The following PTPRF variants were observed in gnomAD, a reference collection of about 807,000 sequenced individuals.
PTPRF encodes the protein protein tyrosine phosphatase receptor type F, also known as receptor-type tyrosine-protein phosphatase F.
A neutral mutation model predicts 201.8 loss-of-function variants in PTPRF; 59 were observed. The ratio of observed to expected loss-of-function variants is 0.29; its 90% CI spans 0.24 to 0.36. The LOEUF (loss-of-function observed/expected upper bound fraction) is 0.36, where lower values mean the gene tolerates loss of function less well. Among genes scored for constraint, PTPRF ranks in the 10% least tolerant of loss-of-function variants. The pLI is 1.00. For synonymous variants in PTPRF, 1,088 were observed against 1,089.7 expected (o/e 1.00, Z 0.03); for missense variants, 2,132 against 2,690.5 (o/e 0.79, Z 4.59).
intron 5 of PTPRF, among the ~76,000 whole-genome samples, 194 bp from the exon 6 acceptor site, chr1:43,569,396 C>G (rs991525120): frequency 1.3e-5 from 2 of 152,090 alleles, no homozygotes; most frequent in African/African-American, 2.4e-5. Flanking sequence ...GGCCCCACTG[C>G]AGCCTCTGCC....
intron 1 of PTPRF, 75 bp from the exon 2 acceptor site, chr1:43,538,123 A>G (rs1336026298): frequency 1.8e-5 from 7 of 398,202 alleles, no homozygotes; most frequent in African/African-American, 1.0e-4. Flanking sequence ...CAAATTTTTA[A>G]TGTCTTTCTG....
At position 43,591,095 on chromosome 1, in the gene PTPRF, G is replaced by T. The variant is rs1650572015; in HGVS notation, c.1073G>T (p.Gly358Val). The T allele has an allele frequency of 1.2e-6, 2 of 1,613,800 alleles. No individual in the cohort carries two copies. Among genetic ancestry groups the T allele is most frequent in the South Asian group, 2.2e-5 (2 of 91,090 alleles). The change falls in exon 9 of 34, where the codon GGC (glycine) becomes GTC (valine). Residue 358 changes from glycine (G) to valine (V), a missense_variant. Gly to Val is a moderately radical substitution (Grantham distance 109). Coordinates refer to ENST00000359947, the MANE Select transcript of PTPRF (RefSeq NM_002840.5). ...TATGGCATCCAGTACCGCGCAGCGG[G>T]CACGGAGGGCCCCTTTCAGGAGGTG... is the stretch of plus-strand genomic sequence containing the variant. ...TYYGIQYRAA[G>V]TEGPFQEVDG...
rs1644144723 is a variant in PTPRF, at chr1:43,538,202, G to C, written c.-121G>C. On this transcript the variant is annotated 5_prime_UTR_variant, in exon 2 of 34. Coordinates refer to ENST00000359947, the MANE Select transcript of PTPRF (RefSeq NM_002840.5). ...CATGCTTTCCTTTCTGTCCAGGAAG[G>C]AGTGGAGGCCCTGGTGCCCGGCCCT... 2.5e-6 allele frequency: 1 copy of C among 398,540 alleles called. No homozygotes were observed. Among genetic ancestry groups the C allele is most frequent in the South Asian group, 1.3e-4 (1 of 7,860 alleles). 24.7% of individuals were successfully genotyped at this position (398,540 alleles called of 1,614,324 possible).
chr1:43,616,541 G>A (rs1168611773), intron 23 of PTPRF, among the ~76,000 whole-genome samples: 4 of 151,892 alleles, frequency 2.6e-5, no homozygotes, highest in Non-Finnish European at 5.9e-5. Flanking sequence ...CTGAGGGGGT[G>A]GGGGAGCACC....
chr1:43,607,748 C>T (rs1655482901), intron 21 of PTPRF, among the ~76,000 whole-genome samples: 1 of 152,234 alleles, frequency 6.6e-6, no homozygotes, highest in South Asian at 2.1e-4. Flanking sequence ...ACAGGGTGTG[C>T]CCTCTGCGGA....
At chr1:43,559,502 GCTAC>G (rs1399559615) in intron 5 of PTPRF, among the ~76,000 whole-genome samples, 2 of 151,776 alleles carry the variant, frequency 1.3e-5, no homozygotes, top group South Asian at 2.1e-4. Context: ...CGTGCGGCAG[GCTAC>G]CTGTGTTTAT....
intron 7 of PTPRF, 61 bp downstream of exon 7, chr1:43,578,981 T>G: frequency 2.7e-5 from 41 of 1,512,256 alleles, no homozygotes; most frequent in Non-Finnish European, 3.6e-5. Context: ...CCTGCCGGGC[T>G]CTCTGCCCAG....
chr1:43,536,164 G>C (rs1206329189), intron 1 of PTPRF, among the ~76,000 whole-genome samples: 1 of 152,152 alleles, frequency 6.6e-6, no homozygotes, highest in Non-Finnish European at 1.5e-5. Context: ...GCTCTGTTCT[G>C]GGGGTGTATC....
intron 6 of PTPRF, among the ~76,000 whole-genome samples, chr1:43,573,624 A>G (rs1020056107): frequency 3.3e-5 from 5 of 152,200 alleles, no homozygotes; most frequent in Admixed American, 3.3e-4. Flanking sequence ...CTGCCAGTGC[A>G]TGCTCACAAT....
chr1:43,571,732 A>T (rs1460642323), intron 6 of PTPRF, among the ~76,000 whole-genome samples: 14 of 152,042 alleles, frequency 9.2e-5, no homozygotes, highest in Admixed American at 9.2e-4. Flanking sequence ...TTTGCTGCTC[A>T]TACCTTCCTG....
intron 22 of PTPRF, chr1:43,613,056 C>T (rs1048087847): frequency 3.9e-5 from 14 of 358,570 alleles, no homozygotes; most frequent in East Asian, 3.0e-4. Flanking sequence ...CCAGTCCCGG[C>T]CTGACACCCT....
chr1:43,565,135 C>G (rs961724477), intron 5 of PTPRF, among the ~76,000 whole-genome samples: 11 of 152,204 alleles, frequency 7.2e-5, no homozygotes, highest in Admixed American at 4.6e-4. Context: ...TCATGTGTTT[C>G]CTGTTCTTGA....
chr1:43,531,060 G>C lies in PTPRF; in HGVS notation c.-156G>C. Reference sequence around the variant, plus strand: ...CAGCGGCCCTAGCGGCTTGCGGGGGGACATGCGGACCGACGGCCCCTGGAT... The same window carrying C: ...CAGCGGCCCTAGCGGCTTGCGGGGGCACATGCGGACCGACGGCCCCTGGAT... On this transcript the variant is annotated 5_prime_UTR_variant, in exon 1 of 34. Transcript: ENST00000359947. 1 of 152,644 alleles carries C rather than the reference G, an allele frequency of 6.6e-6. No homozygotes were observed. The highest frequency in any genetic ancestry group is 1.8e-4 in the South Asian group (1 of 5,700). The allele number at this position is 152,644 out of a possible 1,614,324, so 9.5% of individuals were successfully genotyped here. A position where few individuals can be genotyped will look rare whatever the true frequency, so the allele number is the denominator to read the frequency against.
At chr1:43,540,701 G>A (rs868726543) in intron 2 of PTPRF, among the ~76,000 whole-genome samples, 2 of 152,220 alleles carry the variant, frequency 1.3e-5, no homozygotes, top group Admixed American at 6.5e-5. Flanking sequence ...ACTCAGTCCA[G>A]CTGGTGGGAG....
In PTPRF at chr1:43,569,606, T is replaced by G. The variant is rs1245287842; in HGVS notation, c.396T>G (p.Pro132=). The G allele has an allele frequency of 6.2e-7, 1 of 1,608,232 alleles. No homozygotes were observed. The highest frequency in any genetic ancestry group is 8.5e-7 in the Non-Finnish European group (1 of 1,175,972). The change falls in exon 6 of 34, where the codon CCT becomes CCG. Residue 132 remains proline, a synonymous_variant. Transcript: ENST00000359947. The part of the protein sequence containing the change: ...LSVLEEEQLP[P]GFPSIDMGPQ... Reference sequence around the variant, plus strand: ...TGTCTGCAGAGGAACAGCTGCCCCCTGGGTTCCCTTCCATCGACATGGGGC... The same window carrying G: ...TGTCTGCAGAGGAACAGCTGCCCCCGGGGTTCCCTTCCATCGACATGGGGC...
intron 11 of PTPRF, among the ~76,000 whole-genome samples, chr1:43,596,545 C>T (rs866080813): frequency 6.6e-6 from 1 of 152,166 alleles, no homozygotes; most frequent in Non-Finnish European, 1.5e-5. Context: ...GTGAGGGCAC[C>T]TCTGTTGGTG....
chr1:43,587,012 C>T (rs1014824719), intron 7 of PTPRF, among the ~76,000 whole-genome samples: 7 of 152,188 alleles, frequency 4.6e-5, no homozygotes, highest in African/African-American at 1.7e-4. Context: ...TACTCTCATG[C>T]CCTAGGTGAA....
chr1:43,619,535 C>T lies in PTPRF; in HGVS notation c.4894C>T (p.Pro1632Ser). 3 of 1,613,826 alleles carry T rather than the reference C, an allele frequency of 1.9e-6. No homozygotes were observed. Among genetic ancestry groups the T allele is most frequent in the Non-Finnish European group, 2.5e-6 (3 of 1,179,852 alleles). The change falls in exon 28 of 34, where the codon CCA (proline) becomes TCA (serine). Residue 1632 changes from proline (P) to serine (S), a missense_variant. Around this residue, in one of 6 missense-constraint regions of PTPRF, gnomAD observed 519 missense variants for 659.5 expected, o/e 0.79. Transcript: ENST00000359947. ...CATCCAGAAGCTGGGCCAAGTGCCT[C>T]CAGGGGAGAGTGTGACCGCCATGGA... ...AHIQKLGQVPPGESVTAMELE... is the reference protein window; with the variant it reads ...AHIQKLGQVPSGESVTAMELE...
At position 43,588,253 on chromosome 1, in the gene PTPRF, T is replaced by C. The variant is rs989411449; in HGVS notation, c.680-478T>C. On this transcript the variant is annotated intron_variant, in intron 7 of 33. Coordinates refer to ENST00000359947, the MANE Select transcript of PTPRF (RefSeq NM_002840.5). This position sits in a 1 kb window ranked among gnomAD's most constrained non-coding sequence, Gnocchi z 5.3. ...ACTCCACGGCAGGTGGCTGTGTCCC[T>C]CTGGACTGGCCTTCTGCTCTGCCCA... is the stretch of plus-strand genomic sequence containing the variant. 3.3e-5 allele frequency among the ~76,000 whole-genome samples: 5 copies of C among 152,146 alleles called. No homozygotes were observed. The highest frequency in any genetic ancestry group is 7.3e-5 in the Non-Finnish European group (5 of 68,028).
Sources: gnomAD v4.1 joint callset for allele counts (sites outside exome capture counted in the v4.1 genomes callset) on GRCh38, gnomAD v4.1.1 for gene constraint, gnomAD v4.1.1 regional missense constraint, Gnocchi (gnomAD v3.1) non-coding constraint, MANE v1.5 for transcripts, NCBI Gene and HGNC (gene_info 2026-07-23, HGNC 2026-07-21) for gene names.